CFAP299: variants seen among roughly 807,000 people sequenced by gnomAD.
CFAP299 encodes cilia- and flagella-associated protein 299.
In CFAP299, 21 loss-of-function variants were observed where a neutral mutation model predicts 27.0. That is an observed-to-expected ratio of 0.78 (90% CI 0.55 to 1.12). The LOEUF is 1.12. Ranked by LOEUF, CFAP299 falls within the 50% of genes most tolerant of loss-of-function variation. The probability of loss-of-function intolerance (pLI) is 0.00; values close to 1 mark genes in which losing one functional copy is unlikely to be tolerated. For synonymous variants in CFAP299, 104 were observed against 98.1 expected (o/e 1.06, Z -0.36); for missense variants, 310 against 276.6 (o/e 1.12, Z -0.86).
upstream of CFAP299, among the ~76,000 whole-genome samples, chr4:80,334,944 A>C (rs1316681039): frequency 2.6e-5 from 4 of 152,246 alleles, no homozygotes; most frequent in Non-Finnish European, 4.4e-5. Context: ...GCTAATTCCC[A>C]AGGATGGTTT....
At chr4:80,765,290 T>C (rs1725792897) in intron 3 of CFAP299, among the ~76,000 whole-genome samples, 1 of 152,156 alleles carries the variant, frequency 6.6e-6, no homozygotes. Flanking sequence ...GGAAGCCTCA[T>C]GCTGAAACAG....
intron 3 of CFAP299, among the ~76,000 whole-genome samples, chr4:80,691,179 C>T (rs1198957474): frequency 9.6e-6 from 1 of 103,922 alleles, no homozygotes; most frequent in African/African-American, 3.7e-5. Flanking sequence ...GGGAATCCTC[C>T]CTAACTCATT....
At chr4:80,591,118 T>TATTTTTATTTA (rs1560642982) in intron 3 of CFAP299, among the ~76,000 whole-genome samples, 1 of 142,792 alleles carries the variant, frequency 7.0e-6, no homozygotes, top group African/African-American at 2.6e-5. Context: ...TTTTTTTTTT[T>TATTTTTATTTA]TTTTTTTTTT....
intron 2 of CFAP299, among the ~76,000 whole-genome samples, chr4:80,393,945 T>A (rs752315951): frequency 6.6e-5 from 10 of 151,612 alleles, no homozygotes; most frequent in Non-Finnish European, 1.3e-4. Context: ...TGGTGGGAGG[T>A]GATTGGATCA....
intron 3 of CFAP299, among the ~76,000 whole-genome samples, chr4:80,799,725 T>TA (rs1728216686): frequency 1.8e-5 from 1 of 54,818 alleles, no homozygotes; most frequent in South Asian, 6.2e-4. Context: ...TATTATATTT[T>TA]ATAAATATAT....
At chr4:80,689,182 A>T (rs953886177) in intron 3 of CFAP299, among the ~76,000 whole-genome samples, 1 of 152,184 alleles carries the variant, frequency 6.6e-6, no homozygotes, top group African/African-American at 2.4e-5. Flanking sequence ...GATTCAGGAA[A>T]TACAGAGAAC....
At chr4:80,557,928 G>C (rs1734852761) in intron 2 of CFAP299, among the ~76,000 whole-genome samples, 2 of 152,038 alleles carry the variant, frequency 1.3e-5, no homozygotes, top group African/African-American at 4.8e-5. Flanking sequence ...CTTCAAACCA[G>C]AATGACACTT....
the CFAP299 span, among the ~76,000 whole-genome samples, chr4:80,330,188 T>C: frequency 6.6e-6 from 1 of 152,092 alleles, no homozygotes; most frequent in African/African-American, 2.4e-5. Context: ...CTTAAGTACA[T>C]CTCCCCTGCA....
chr4:80,431,001 C>T (rs936868730), intron 2 of CFAP299, among the ~76,000 whole-genome samples: 1 of 152,148 alleles, frequency 6.6e-6, no homozygotes, highest in Admixed American at 6.5e-5. Context: ...CCACATTCAC[C>T]TTCGTGAGAC....
intron 4 of CFAP299, among the ~76,000 whole-genome samples, chr4:80,875,127 G>A (rs1733304319): frequency 6.6e-6 from 1 of 151,916 alleles, no homozygotes; most frequent in Non-Finnish European, 1.5e-5. Flanking sequence ...CACTCTTCTG[G>A]TCTACTTGTC....
chr4:80,321,903 G>C, the CFAP299 span, among the ~76,000 whole-genome samples: 1 of 152,072 alleles, frequency 6.6e-6, no homozygotes, highest in African/African-American at 2.4e-5. Context: ...AGGAGAAGGA[G>C]AAAAAGCAGC....
At chr4:80,857,700 G>A (rs920750436) in intron 3 of CFAP299, among the ~76,000 whole-genome samples, 3 of 152,106 alleles carry the variant, frequency 2.0e-5, no homozygotes, top group African/African-American at 7.2e-5. Context: ...TTATATGCTG[G>A]ATTACATTTA....
intron 2 of CFAP299, among the ~76,000 whole-genome samples, chr4:80,556,170 C>G (rs2110215204): frequency 6.6e-6 from 1 of 151,972 alleles, no homozygotes; most frequent in East Asian, 1.9e-4. Flanking sequence ...AAATTGGAGC[C>G]CTGGAAGTTT....
intron 2 of CFAP299, among the ~76,000 whole-genome samples, chr4:80,396,230 C>T (rs1725783396): frequency 6.6e-6 from 1 of 152,062 alleles, no homozygotes; most frequent in South Asian, 2.1e-4. Context: ...CTACAATGGT[C>T]CTTTGCCTCT....
At chr4:80,392,374 G>T (rs546082619) in intron 2 of CFAP299, among the ~76,000 whole-genome samples, 2 of 152,124 alleles carry the variant, frequency 1.3e-5, no homozygotes, top group African/African-American at 4.8e-5. Context: ...GGACAGAATA[G>T]TATAGTTCGG....
At chr4:80,839,963 A>AAG (rs1730772804) in intron 3 of CFAP299, among the ~76,000 whole-genome samples, 1 of 152,100 alleles carries the variant, frequency 6.6e-6, no homozygotes, top group Non-Finnish European at 1.5e-5. Context: ...CTTCCACTCT[A>AAG]CAGATAATGA....
intron 3 of CFAP299, among the ~76,000 whole-genome samples, chr4:80,705,553 C>A (rs906283023): frequency 1.3e-5 from 2 of 151,754 alleles, no homozygotes; most frequent in Non-Finnish European, 2.9e-5. Flanking sequence ...GAGTTTGGAA[C>A]AATTCTGTTT....
chr4:80,729,260 A>C (rs890974702), intron 3 of CFAP299, among the ~76,000 whole-genome samples: 24 of 152,182 alleles, frequency 1.6e-4, no homozygotes, highest in African/African-American at 4.3e-4. Context: ...CAACCTCAAC[A>C]GTGCTACCTT....
chr4:80,354,849 A>T (rs367902774), intron 1 of CFAP299, among the ~76,000 whole-genome samples: 46 of 152,248 alleles, frequency 3.0e-4, no homozygotes, highest in South Asian at 2.1e-3. Flanking sequence ...AAAGGACATG[A>T]TCTTACTCAT....
Sources: allele counts gnomAD v4.1 joint callset (sites outside exome capture counted in the v4.1 genomes callset), GRCh38; gene constraint gnomAD v4.1.1; transcripts MANE v1.5; gene names NCBI Gene and HGNC (gene_info 2026-07-23, HGNC 2026-07-21).